Variants in MCU observed in about 807,000 individuals in gnomAD.
MCU encodes the protein calcium uniporter protein, mitochondrial.
MCU carries 12 observed loss-of-function variants against 45.2 expected under a neutral mutation model. The observed-to-expected ratio is 0.27, with a 90% CI of 0.17 to 0.43. The LOEUF is 0.43. Ranked by LOEUF, MCU falls within the 20% of genes least tolerant of loss-of-function variation. The probability of loss-of-function intolerance (pLI) is 1.00; values close to 1 mark genes in which losing one functional copy is unlikely to be tolerated. For missense variants in MCU, 324 were observed against 436.7 expected, an observed-to-expected ratio of 0.74 and a Z score of 2.30; for synonymous variants, 160 against 165.1, an observed-to-expected ratio of 0.97 and a Z score of 0.24.
At chr10:72,775,446 A>C (rs1233835863) in intron 1 of MCU, among the ~76,000 whole-genome samples, 7 of 152,188 alleles carry the variant, frequency 4.6e-5, no homozygotes, top group Non-Finnish European at 1.0e-4. Context: ...AAAGAAAATT[A>C]GAATTTAAGT....
intron 2 of MCU, among the ~76,000 whole-genome samples, chr10:72,841,754 C>CT (rs1006592657): frequency 7.2e-5 from 11 of 152,184 alleles, no homozygotes; most frequent in African/African-American, 2.7e-4. Context: ...CACATCCTGG[C>CT]TTTGAAGACT....
chr10:72,765,436 A>AT (rs1437832623), intron 1 of MCU, among the ~76,000 whole-genome samples: 1 of 152,072 alleles, frequency 6.6e-6, no homozygotes, highest in African/African-American at 2.4e-5. Flanking sequence ...TTCAAAGATT[A>AT]TTATTTTAAT....
At chr10:72,709,794 T>C (rs1411143909) in intron 1 of MCU, among the ~76,000 whole-genome samples, 2 of 152,200 alleles carry the variant, frequency 1.3e-5, no homozygotes, top group Non-Finnish European at 2.9e-5. Flanking sequence ...AACAGGATTT[T>C]AGTGTAACAT....
At chr10:72,838,393 C>A (rs1472379959) in intron 2 of MCU, among the ~76,000 whole-genome samples, 1 of 152,118 alleles carries the variant, frequency 6.6e-6, no homozygotes, top group Non-Finnish European at 1.5e-5. Flanking sequence ...GCAGGAGGAT[C>A]TCTTGAGCTC....
intron 1 of MCU, among the ~76,000 whole-genome samples, chr10:72,821,160 T>G (rs1312074358): frequency 6.6e-6 from 1 of 152,150 alleles, no homozygotes; most frequent in Non-Finnish European, 1.5e-5. Flanking sequence ...GTTCCTATAT[T>G]GTAGGAAACA....
intron 1 of MCU, among the ~76,000 whole-genome samples, chr10:72,741,122 C>T (rs1474050498): frequency 1.2e-4 from 16 of 133,512 alleles, no homozygotes; most frequent in East Asian, 4.3e-4. Flanking sequence ...TTTTGTGTGA[C>T]GGAGTCTCAC....
intron 1 of MCU, among the ~76,000 whole-genome samples, chr10:72,827,990 G>C (rs926538632): frequency 1.3e-5 from 2 of 152,052 alleles, no homozygotes; most frequent in Non-Finnish European, 2.9e-5. Context: ...ACTGTATCAG[G>C]GATATAGAAA....
chr10:72,865,954 T>TA (rs1845447642), intron 4 of MCU, among the ~76,000 whole-genome samples: 1 of 151,942 alleles, frequency 6.6e-6, no homozygotes, highest in Non-Finnish European at 1.5e-5. Flanking sequence ...TTTTTTTGTA[T>TA]TTTTAGTAGA....
intron 1 of MCU, among the ~76,000 whole-genome samples, chr10:72,782,065 C>T (rs957906621): frequency 6.6e-6 from 1 of 152,172 alleles, no homozygotes; most frequent in African/African-American, 2.4e-5. Flanking sequence ...TACTCTGCCC[C>T]AGAGCTCTCC....
chr10:72,746,155 C>T (rs1292575426), intron 1 of MCU, among the ~76,000 whole-genome samples: 2 of 152,046 alleles, frequency 1.3e-5, no homozygotes, highest in Non-Finnish European at 2.9e-5. Flanking sequence ...CACAGTATAG[C>T]GTGAAACCTA....
At chr10:72,758,051 C>T (rs1428864516) in intron 1 of MCU, among the ~76,000 whole-genome samples, 1 of 152,154 alleles carries the variant, frequency 6.6e-6, no homozygotes, top group African/African-American at 2.4e-5. Context: ...AAATATGTGG[C>T]AGTAAACTAG....
intron 1 of MCU, among the ~76,000 whole-genome samples, chr10:72,726,252 CACACGT>C (rs1843099256): frequency 1.2e-5 from 1 of 83,194 alleles, no homozygotes; most frequent in African/African-American, 6.5e-5. Flanking sequence ...GGCACACACA[CACACGT>C]GTGTGTGTGT....
At chr10:72,726,919 G>C (rs547322690) in intron 1 of MCU, among the ~76,000 whole-genome samples, 8 of 152,192 alleles carry the variant, frequency 5.3e-5, no homozygotes, top group Non-Finnish European at 1.2e-4. Context: ...CTGAATGACT[G>C]TGTTACCTTA....
intron 2 of MCU, among the ~76,000 whole-genome samples, chr10:72,836,925 C>T (rs1329519260): frequency 6.6e-6 from 1 of 152,214 alleles, no homozygotes; most frequent in African/African-American, 2.4e-5. Context: ...TCTACCATCA[C>T]TCCCTGCTCT....
intron 4 of MCU, among the ~76,000 whole-genome samples, chr10:72,861,968 T>C (rs1469619969): frequency 6.6e-6 from 1 of 151,348 alleles, no homozygotes; most frequent in Non-Finnish European, 1.5e-5. Flanking sequence ...TAAAATAGCG[T>C]TTTGAGTTGT....
intron 3 of MCU, 121 bp from the exon 4 acceptor site, chr10:72,860,302 A>G (rs1379083706): frequency 2.5e-6 from 2 of 794,176 alleles, no homozygotes; most frequent in Non-Finnish European, 4.0e-6. Context: ...ATGAGGCAAA[A>G]AGTTAACTGA....
chr10:72,756,041 A>G (rs745634266), intron 1 of MCU, among the ~76,000 whole-genome samples: 5 of 152,024 alleles, frequency 3.3e-5, no homozygotes, highest in Non-Finnish European at 2.9e-5. Flanking sequence ...TGTAGAGACA[A>G]GGTCTCGCTT....
intron 1 of MCU, among the ~76,000 whole-genome samples, chr10:72,759,427 A>G (rs1843623885): frequency 6.6e-6 from 1 of 152,162 alleles, no homozygotes; most frequent in Non-Finnish European, 1.5e-5. Context: ...TACCAGGCCC[A>G]GGGTGTGGCA....
chr10:72,715,150 G>A (rs1041642587), intron 1 of MCU: 8 of 984,908 alleles, frequency 8.1e-6, no homozygotes, highest in East Asian at 1.1e-4. Flanking sequence ...GCAAGATACC[G>A]TTTCTACCTC....
Sources: gnomAD v4.1 joint callset for allele counts (sites outside exome capture counted in the v4.1 genomes callset) on GRCh38, gnomAD v4.1.1 for gene constraint, MANE v1.5 for transcripts, NCBI Gene and HGNC (gene_info 2026-07-23, HGNC 2026-07-21) for gene names.